The following PCSK2 variants were observed in gnomAD, a reference collection of about 807,000 sequenced individuals.
The protein encoded by PCSK2 is proprotein convertase subtilisin/kexin type 2, also known as neuroendocrine convertase 2.
PCSK2 carries 14 observed loss-of-function variants against 69.7 expected under a neutral mutation model. The observed-to-expected ratio is 0.20, with a 90% CI of 0.13 to 0.31. The LOEUF (loss-of-function observed/expected upper bound fraction) is 0.31, where lower values mean the gene tolerates loss of function less well. Among genes scored for constraint, PCSK2 ranks in the 10% least tolerant of loss-of-function variants. The pLI is 1.00. For missense variants in PCSK2, 544 were observed against 842.5 expected (o/e 0.65, Z 4.39); for synonymous variants, 307 against 320.7 (o/e 0.96, Z 0.46).
intron 2 of PCSK2, among the ~76,000 whole-genome samples, chr20:17,337,398 G>A (rs1366050357): frequency 6.6e-6 from 1 of 152,160 alleles, no homozygotes; most frequent in Non-Finnish European, 1.5e-5. Context: ...TAGGGAAAAG[G>A]TCTTACTGGG....
At chr20:17,418,398 G>A (rs757637134) in intron 6 of PCSK2, among the ~76,000 whole-genome samples, 8 of 152,162 alleles carry the variant, frequency 5.3e-5, no homozygotes, top group Non-Finnish European at 1.0e-4. Context: ...GATATAATCT[G>A]GACAAAGATA....
chr20:17,336,830 G>T (rs955943866), intron 2 of PCSK2, among the ~76,000 whole-genome samples: 1 of 152,130 alleles, frequency 6.6e-6, no homozygotes, highest in African/African-American at 2.4e-5. Context: ...TGAACTGAGG[G>T]CCAGTGACGG....
chr20:17,348,083 GAAAGAAAGAAAGAAAGAAAGA>G (rs1568612732), intron 2 of PCSK2, among the ~76,000 whole-genome samples: 2 of 143,326 alleles, frequency 1.4e-5, no homozygotes, highest in African/African-American at 5.1e-5. Context: ...AAGAAAGAAA[GAAAGAAAGAAAGAAAGAAAGA>G]AAAGAAAAGA....
Position 17,430,849 on chromosome 20 carries a change from T to C in PCSK2, c.709+1326T>C, listed in dbSNP as rs184126112. Reference sequence around the variant, plus strand: ...TTCTTGTTCACACACCCAAGGTAACTGGTTTTTGGAACAAAGTAAAATGAC... The same window carrying C: ...TTCTTGTTCACACACCCAAGGTAACCGGTTTTTGGAACAAAGTAAAATGAC... On this transcript the variant is annotated intron_variant, in intron 7 of 11. Coordinates refer to ENST00000262545, the MANE Select transcript of PCSK2 (RefSeq NM_002594.5). 1.9e-3 allele frequency among the ~76,000 whole-genome samples: 283 copies of C among 152,320 alleles called. 1 individual carries two copies. Among genetic ancestry groups the C allele is most frequent in the Admixed American group, 3.7e-3 (57 of 15,304 alleles).
rs74895989 is a variant in PCSK2, at chr20:17,419,096, A to G, written c.620+9757A>G. Among the ~76,000 whole-genome samples the G allele has an allele frequency of 5.3e-5, 8 of 152,344 alleles. No individual in the cohort carries two copies. In the East Asian group the frequency reaches 1.5e-3, roughly 29 times the overall value. On this transcript the variant is annotated intron_variant, in intron 6 of 11. Transcript: ENST00000262545. ...AGTTCAATAGCAACACATCTCTCCT[A>G]GGTTTTCCTGACACTTTAAACCATC...
intron 2 of PCSK2, among the ~76,000 whole-genome samples, chr20:17,307,272 T>A (rs956547540): frequency 1.3e-5 from 2 of 152,210 alleles, no homozygotes; most frequent in African/African-American, 2.4e-5. Context: ...TGTTATGAGC[T>A]CTAAAATCAT....
intron 8 of PCSK2, among the ~76,000 whole-genome samples, chr20:17,443,708 T>G (rs2032642036): frequency 6.6e-6 from 1 of 152,088 alleles, no homozygotes; most frequent in South Asian, 2.1e-4. Context: ...CTTCTGCACT[T>G]CTCCACTGCC....
chr20:17,351,038 T>TA (rs11471979), intron 2 of PCSK2, among the ~76,000 whole-genome samples: 205 of 134,140 alleles, frequency 1.5e-3, no homozygotes, highest in African/African-American at 2.4e-3. Flanking sequence ...AGACTTCATC[T>TA]AAAAAAAAAA....
chr20:17,384,960 C>T (rs1600538105), intron 5 of PCSK2, among the ~76,000 whole-genome samples: 1 of 152,112 alleles, frequency 6.6e-6, no homozygotes, highest in Non-Finnish European at 1.5e-5. Context: ...CTCTTAAATG[C>T]AAAGGCAAAG....
At chr20:17,261,570 C>G (rs1300978279) in intron 2 of PCSK2, among the ~76,000 whole-genome samples, 1 of 152,226 alleles carries the variant, frequency 6.6e-6, no homozygotes, top group Non-Finnish European at 1.5e-5. Flanking sequence ...GTGCTGCCAG[C>G]CAAGGCCAAG....
At chr20:17,408,642 G>C (rs2031805144) in intron 5 of PCSK2, among the ~76,000 whole-genome samples, 1 of 152,224 alleles carries the variant, frequency 6.6e-6, no homozygotes, top group South Asian at 2.1e-4. Context: ...CATAAGGGCA[G>C]GGATGCCACC....
intron 1 of PCSK2, among the ~76,000 whole-genome samples, chr20:17,243,154 G>C (rs563552249): frequency 6.6e-6 from 1 of 152,184 alleles, no homozygotes; most frequent in African/African-American, 2.4e-5. Flanking sequence ...ATAAATAAAA[G>C]TCATGTACTC....
chr20:17,413,577 A>G (rs1042056156), intron 6 of PCSK2, among the ~76,000 whole-genome samples: 32 of 152,210 alleles, frequency 2.1e-4, no homozygotes, highest in African/African-American at 7.7e-4. Context: ...CCCACACAAT[A>G]ATAAGGGGAG....
Position 17,434,465 on chromosome 20 carries a change from C to T in PCSK2, c.710-2243C>T, listed in dbSNP as rs534705073. On this transcript the variant is annotated intron_variant, in intron 7 of 11. Coordinates refer to ENST00000262545, the MANE Select transcript of PCSK2 (RefSeq NM_002594.5). Reference sequence around the variant, plus strand: ...GAGCTTAACAAGATTAAAAGAATGTCGGGTGCCTGGTCCCTGAATATGAAT... The same window carrying T: ...GAGCTTAACAAGATTAAAAGAATGTTGGGTGCCTGGTCCCTGAATATGAAT... 7.2e-4 allele frequency among the ~76,000 whole-genome samples: 109 copies of T among 152,284 alleles called. 1 individual carries two copies. Among genetic ancestry groups the T allele is most frequent in the Non-Finnish European group, 1.5e-3 (100 of 68,028 alleles).
chr20:17,405,319 G>A (rs2031728829), intron 5 of PCSK2, among the ~76,000 whole-genome samples: 1 of 152,186 alleles, frequency 6.6e-6, no homozygotes, highest in African/African-American at 2.4e-5. Context: ...CCCAGCCAGG[G>A]AAGCCCATTG....
chr20:17,407,153 G>A (rs147391196), intron 5 of PCSK2, among the ~76,000 whole-genome samples: 296 of 152,240 alleles, frequency 1.9e-3, no homozygotes, highest in African/African-American at 6.8e-3. Context: ...TAGCTCAGAT[G>A]CCTCACAGGG....
chr20:17,349,784 G>A (rs937075703), intron 2 of PCSK2, among the ~76,000 whole-genome samples: 10 of 151,992 alleles, frequency 6.6e-5, no homozygotes, highest in African/African-American at 2.4e-4. Context: ...ACTTCCTCCA[G>A]CACACTGGCT....
chr20:17,427,364 G>A (rs1370905954), intron 6 of PCSK2, among the ~76,000 whole-genome samples: 1 of 152,130 alleles, frequency 6.6e-6, no homozygotes, highest in Non-Finnish European at 1.5e-5. Flanking sequence ...TGGAAAAGGT[G>A]TGCCTGTTCT....
intron 11 of PCSK2, among the ~76,000 whole-genome samples, chr20:17,476,736 G>A (rs2033297428): frequency 6.6e-6 from 1 of 152,226 alleles, no homozygotes; most frequent in African/African-American, 2.4e-5. Flanking sequence ...CTACACAGCT[G>A]TCCACTGCTG....
Sources: gnomAD v4.1 joint callset for allele counts (sites outside exome capture counted in the v4.1 genomes callset) on GRCh38, gnomAD v4.1.1 for gene constraint, MANE v1.5 for transcripts, NCBI Gene and HGNC (gene_info 2026-07-23, HGNC 2026-07-21) for gene names.